Variants in AUH observed in about 807,000 individuals in gnomAD.
AUH encodes the protein AU RNA binding methylglutaconyl-CoA hydratase, also known as methylglutaconyl-CoA hydratase, mitochondrial.
Under a neutral mutation model 42.3 loss-of-function variants are expected in AUH, and 29 were observed. That is an observed-to-expected ratio of 0.69 (90% CI 0.51 to 0.93). AUH has a LOEUF of 0.93. Ranked by LOEUF, AUH falls within the 40% of genes least tolerant of loss-of-function variation. The pLI, the probability that AUH is intolerant of heterozygous loss-of-function variation, is 0.00. For synonymous variants in AUH, 174 were observed against 166.4 expected (o/e 1.05, Z -0.35); for missense variants, 452 against 438.1 (o/e 1.03, Z -0.28).
intron 6 of AUH, among the ~76,000 whole-genome samples, chr9:91,246,943 T>C (rs1193962826): frequency 2.0e-5 from 3 of 152,192 alleles, no homozygotes; most frequent in Non-Finnish European, 4.4e-5. Flanking sequence ...AGCGGAGCCA[T>C]GCCAGCAATG....
At chr9:91,319,574 A>C (rs1829413370) in intron 4 of AUH, among the ~76,000 whole-genome samples, 1 of 152,224 alleles carries the variant, frequency 6.6e-6, no homozygotes, top group Non-Finnish European at 1.5e-5. Context: ...CAGCTTCCTG[A>C]TAAGATCTCA....
intron 6 of AUH, among the ~76,000 whole-genome samples, chr9:91,233,544 A>T (rs994698203): frequency 6.6e-6 from 1 of 152,180 alleles, no homozygotes; most frequent in Admixed American, 6.5e-5. Context: ...CCTAAATAAA[A>T]AACAGGGAGA....
At chr9:91,331,437 TATC>T (rs1456085483) in intron 3 of AUH, among the ~76,000 whole-genome samples, 1 of 152,254 alleles carries the variant, frequency 6.6e-6, no homozygotes, top group Non-Finnish European at 1.5e-5. Flanking sequence ...ATTTCAAGTG[TATC>T]TAATAATTTA....
intron 6 of AUH, among the ~76,000 whole-genome samples, chr9:91,263,503 C>T (rs1829810084): frequency 6.6e-6 from 1 of 152,174 alleles, no homozygotes; most frequent in Admixed American, 6.5e-5. Context: ...TCAAAGAGTT[C>T]AGACAATTAT....
chr9:91,348,071 T>TA (rs139827451), intron 3 of AUH, among the ~76,000 whole-genome samples: 4,543 of 137,504 alleles, frequency 0.033, 87 homozygotes, highest in Middle Eastern at 0.051. Context: ...ATCAAGAATA[T>TA]AAAAAAAAAC....
At chr9:91,259,141 C>G (rs1164198925) in intron 6 of AUH, among the ~76,000 whole-genome samples, 2 of 152,160 alleles carry the variant, frequency 1.3e-5, no homozygotes, top group Non-Finnish European at 2.9e-5. Context: ...GTGAAGCTAT[C>G]TGCTCAGAGC....
intron 6 of AUH, among the ~76,000 whole-genome samples, chr9:91,257,602 T>A (rs991228842): frequency 1.3e-5 from 2 of 152,218 alleles, no homozygotes; most frequent in African/African-American, 4.8e-5. Flanking sequence ...TCATCATATA[T>A]GTATGTGCAG....
intron 6 of AUH, among the ~76,000 whole-genome samples, chr9:91,287,257 A>C (rs1478262931): frequency 6.6e-6 from 1 of 152,174 alleles, no homozygotes; most frequent in African/African-American, 2.4e-5. Context: ...AACATTAGGC[A>C]AACTCAAAAA....
intron 1 of AUH, among the ~76,000 whole-genome samples, chr9:91,361,377 C>T (rs750191255): frequency 1.3e-5 from 2 of 152,180 alleles, no homozygotes; most frequent in East Asian, 3.9e-4. Flanking sequence ...TTCTGTTTGC[C>T]GCGCTGAATG....
At chr9:91,318,632 C>A (rs929441128) in intron 4 of AUH, among the ~76,000 whole-genome samples, 20 of 152,170 alleles carry the variant, frequency 1.3e-4, no homozygotes, top group African/African-American at 4.8e-4. Context: ...GAGTTACTCC[C>A]GGCTAGAGAC....
At chr9:91,277,784 T>G (rs1325353536) in intron 6 of AUH, among the ~76,000 whole-genome samples, 1 of 152,240 alleles carries the variant, frequency 6.6e-6, no homozygotes, top group Non-Finnish European at 1.5e-5. Context: ...TCAAAATTAT[T>G]TCCAACTATG....
intron 6 of AUH, among the ~76,000 whole-genome samples, chr9:91,286,789 AT>A (rs1272254759): frequency 6.6e-6 from 1 of 151,842 alleles, no homozygotes; most frequent in Non-Finnish European, 1.5e-5. Context: ...TCGTGTTTGT[AT>A]GGGGACACTG....
intron 3 of AUH, among the ~76,000 whole-genome samples, chr9:91,348,703 A>T (rs1564126686): frequency 6.6e-6 from 1 of 152,216 alleles, no homozygotes; most frequent in African/African-American, 2.4e-5. Context: ...AGAAGATGCT[A>T]AACTAGGAGC....
At chr9:91,264,639 G>A (rs1238772682) in intron 6 of AUH, among the ~76,000 whole-genome samples, 1 of 152,108 alleles carries the variant, frequency 6.6e-6, no homozygotes, top group Non-Finnish European at 1.5e-5. Flanking sequence ...TTGGGAGGCT[G>A]GGCATGGTGG....
At chr9:91,355,176 G>A (rs773857930) in intron 3 of AUH, among the ~76,000 whole-genome samples, 6 of 152,144 alleles carry the variant, frequency 3.9e-5, no homozygotes, top group Non-Finnish European at 7.3e-5. Flanking sequence ...AAAATACACT[G>A]CATATTTCTA....
chr9:91,281,792 C>CA (rs1283831838), intron 6 of AUH, among the ~76,000 whole-genome samples: 6 of 152,090 alleles, frequency 3.9e-5, no homozygotes, highest in Admixed American at 6.6e-5. Context: ...AACCATACCC[C>CA]ACTACTTTCA....
In AUH at chr9:91,258,357, T is replaced by C. The variant is rs939142296; in HGVS notation, c.656-37365A>G. Among the ~76,000 whole-genome samples, 7 of 152,128 alleles carry C rather than the reference T, an allele frequency of 4.6e-5. 1 individual carries two copies. Among genetic ancestry groups the C allele is most frequent in the Admixed American group, 4.6e-4 (7 of 15,268 alleles). On this transcript the variant is annotated intron_variant, in intron 6 of 9. Transcript: ENST00000375731. ...GTTAAGGGATTCTCCTGCCCCAACCTCCCAAGTAGCTGGGACTACAGGCAT... is the reference window on the plus strand; with the variant it reads ...GTTAAGGGATTCTCCTGCCCCAACCCCCCAAGTAGCTGGGACTACAGGCAT...
chr9:91,273,109 A>T (rs745671762), intron 6 of AUH, among the ~76,000 whole-genome samples: 37 of 152,298 alleles, frequency 2.4e-4, no homozygotes, highest in Admixed American at 7.2e-4. Context: ...TTATGTTCAA[A>T]AAGGGCAAAA....
intron 6 of AUH, among the ~76,000 whole-genome samples, chr9:91,268,432 C>T (rs1457527290): frequency 6.8e-6 from 1 of 147,386 alleles, no homozygotes; most frequent in Non-Finnish European, 1.5e-5. Flanking sequence ...ACTTCCTAGA[C>T]ATTTTTTTTT....
Sources: allele counts gnomAD v4.1 joint callset (sites outside exome capture counted in the v4.1 genomes callset), GRCh38; gene constraint gnomAD v4.1.1; transcripts MANE v1.5; gene names NCBI Gene and HGNC (gene_info 2026-07-23, HGNC 2026-07-21).